SYTL2: variants seen among roughly 807,000 people sequenced by gnomAD.
The protein encoded by SYTL2 is synaptotagmin like 2.
Under a neutral mutation model 198.7 loss-of-function variants are expected in SYTL2, and 165 were observed. The ratio of observed to expected loss-of-function variants is 0.83; its 90% confidence interval spans 0.73 to 0.94. The LOEUF (loss-of-function observed/expected upper bound fraction) is 0.94. Among genes scored for constraint, SYTL2 ranks in the 40% least tolerant of loss-of-function variants. The pLI, the probability that SYTL2 is intolerant of heterozygous loss-of-function variation, is 0.00. For synonymous variants in SYTL2, 966 were observed against 917.7 expected (o/e 1.05, Z -0.95); for missense variants, 2,835 against 2,582.8 (o/e 1.10, Z -2.12).
At position 85,757,783 on chromosome 11, in the gene SYTL2, GAAC is replaced by G; in HGVS notation, c.-61_-59del. On this transcript the variant is annotated 5_prime_UTR_variant, in exon 2 of 20. Transcript: ENST00000359152. Reference sequence around the variant, plus strand: ...AATGTGGCTCAAAATTCTCAGGGCTGAACAACTAAGACTGCAACCAGGAAGATT... The same window carrying G: ...AATGTGGCTCAAAATTCTCAGGGCTGAACTAAGACTGCAACCAGGAAGATT... 6.3e-7 allele frequency: 1 copy of G among 1,597,926 alleles called. No individual in the cohort carries two copies. The highest frequency in any genetic ancestry group is 8.5e-7 in the Non-Finnish European group (1 of 1,176,246).
At chr11:85,817,537 G>T in the SYTL2 span, among the ~76,000 whole-genome samples, 2 of 151,998 alleles carry the variant, frequency 1.3e-5, no homozygotes, top group Non-Finnish European at 2.9e-5. Flanking sequence ...TGTGGCTACT[G>T]GAATATTTTA....
the SYTL2 span, among the ~76,000 whole-genome samples, chr11:85,822,990 C>A: frequency 5.3e-5 from 8 of 152,216 alleles, no homozygotes; most frequent in Admixed American, 4.6e-4. Context: ...ACACTTGGAC[C>A]TAACCTTGTG....
Position 85,725,022 on chromosome 11 carries a change from C to A in SYTL2, c.4336G>T (p.Val1446Phe). Residue 1446 changes from valine (V) to phenylalanine (F), a missense_variant, in exon 8 of 20, where the codon GTT becomes TTT. By Grantham distance (50) the Val-to-Phe change is conservative. Transcript: ENST00000359152. ...ATTTGGGCAGCTAAATAAGATCCAA[C>A]TTCATGAGTTTTATCAGGAACTACA... is the stretch of plus-strand genomic sequence containing the variant. ...SNVVPDKTHE[V>F]GSYLAAQMSP... 1 of 1,614,140 alleles carries A rather than the reference C, an allele frequency of 6.2e-7. No individual in the cohort carries two copies. Among genetic ancestry groups the A allele is most frequent in the Non-Finnish European group, 8.5e-7 (1 of 1,179,996 alleles).
At chr11:85,756,190 A>G (rs901155555) in intron 2 of SYTL2, among the ~76,000 whole-genome samples, 22 of 152,344 alleles carry the variant, frequency 1.4e-4, no homozygotes, top group African/African-American at 5.3e-4. Context: ...AATGCTACCA[A>G]GAGGCTCTAA....
intron 12 of SYTL2, among the ~76,000 whole-genome samples, chr11:85,711,936 A>T (rs1024532629): frequency 6.6e-6 from 1 of 152,194 alleles, no homozygotes; most frequent in African/African-American, 2.4e-5. Context: ...AATATGTCCG[A>T]GGAAGTATTT....
chr11:85,852,656 G>A, the SYTL2 span: 4 of 187,168 alleles, frequency 2.1e-5, no homozygotes, highest in South Asian at 9.3e-5. Context: ...GATTGCAGAC[G>A]GAGTCTCGTT....
chr11:85,708,876 C>T (rs7933179), intron 14 of SYTL2, among the ~76,000 whole-genome samples: 2,068 of 111,218 alleles, frequency 0.019, 27 homozygotes, highest in Middle Eastern at 0.032. Flanking sequence ...GATGGAGTCT[C>T]ACTCTGTCGC....
the SYTL2 span, among the ~76,000 whole-genome samples, chr11:85,847,104 T>C: frequency 2.0e-5 from 3 of 152,320 alleles, no homozygotes; most frequent in Admixed American, 2.0e-4. Flanking sequence ...CCATTTTAAA[T>C]ATATAGTTCA....
intron 1 of SYTL2, among the ~76,000 whole-genome samples, chr11:85,785,283 A>G (rs1372588651): frequency 6.6e-6 from 1 of 152,240 alleles, no homozygotes; most frequent in Non-Finnish European, 1.5e-5. Flanking sequence ...TTAACTAAAT[A>G]CCAAAATGGA....
chr11:85,783,911 A>C (rs1473278374), intron 1 of SYTL2, among the ~76,000 whole-genome samples: 3 of 151,898 alleles, frequency 2.0e-5, no homozygotes, highest in African/African-American at 7.3e-5. Flanking sequence ...ATCCCTGCAC[A>C]CTCTGTGGCC....
rs753525967 is a variant in SYTL2, at chr11:85,724,710, T to C, written c.4648A>G (p.Thr1550Ala). Residue 1550 changes from threonine to alanine, a missense_variant, in exon 8 of 20, where the codon ACA becomes GCA. Physicochemically the swap from Thr to Ala is moderately conservative, Grantham distance 58. Transcript: ENST00000359152. ...AACGGAGCCTCGGCCTTTTCTACTG[T>C]TTCTTTTAATTCCTCAGGATGGCAT... ...SECHPEELKETVEKAEAPLIT... is the reference protein window; with the variant it reads ...SECHPEELKEAVEKAEAPLIT... 5.6e-6 allele frequency: 9 copies of C among 1,614,006 alleles called. No individual in the cohort carries two copies. In the African/African-American group the frequency reaches 1.1e-4, roughly 19 times the overall value.
At chr11:85,845,236 C>T in the SYTL2 span, among the ~76,000 whole-genome samples, 1 of 152,132 alleles carries the variant, frequency 6.6e-6, no homozygotes. Flanking sequence ...AACTTGATTG[C>T]TCATCACTTC....
intron 2 of SYTL2, among the ~76,000 whole-genome samples, chr11:85,754,730 T>A (rs1480381313): frequency 2.0e-5 from 3 of 152,194 alleles, no homozygotes; most frequent in African/African-American, 7.2e-5. Context: ...TCAGAGAGGT[T>A]AAATAACTTG....
At chr11:85,737,043 C>T (rs1241837662) in intron 5 of SYTL2, among the ~76,000 whole-genome samples, 1 of 152,110 alleles carries the variant, frequency 6.6e-6, no homozygotes, top group African/African-American at 2.4e-5. Context: ...TTGACCTTTC[C>T]TAAAGATTTT....
At chr11:85,769,362 T>C (rs141147513) in intron 1 of SYTL2, among the ~76,000 whole-genome samples, 1 of 152,090 alleles carries the variant, frequency 6.6e-6, no homozygotes, top group East Asian at 1.9e-4. Flanking sequence ...AGGCTGAAAA[T>C]GTTGGAGTGA....
intron 1 of SYTL2, among the ~76,000 whole-genome samples, chr11:85,796,969 G>A (rs1215119499): frequency 5.9e-5 from 9 of 152,152 alleles, no homozygotes; most frequent in Non-Finnish European, 1.0e-4. Context: ...CTGGAGGATC[G>A]CTTGGGCCCA....
At chr11:85,838,368 T>C in the SYTL2 span, among the ~76,000 whole-genome samples, 1 of 152,170 alleles carries the variant, frequency 6.6e-6, no homozygotes, top group Non-Finnish European at 1.5e-5. Flanking sequence ...GATATGGATG[T>C]AGATATAGAC....
intron 1 of SYTL2, among the ~76,000 whole-genome samples, chr11:85,797,145 C>T (rs2092815463): frequency 6.6e-6 from 1 of 152,210 alleles, no homozygotes; most frequent in Admixed American, 6.5e-5. Context: ...GCTAGGACTA[C>T]AGGTGTGCAG....
intron 1 of SYTL2, among the ~76,000 whole-genome samples, chr11:85,777,978 C>A (rs1447807068): frequency 6.6e-6 from 1 of 151,922 alleles, no homozygotes; most frequent in Non-Finnish European, 1.5e-5. Context: ...CACCACCATG[C>A]AGGCTACTTT....
Sources: gnomAD v4.1 joint callset for allele counts (sites outside exome capture counted in the v4.1 genomes callset) on GRCh38, gnomAD v4.1.1 for gene constraint, MANE v1.5 for transcripts, NCBI Gene and HGNC (gene_info 2026-07-23, HGNC 2026-07-21) for gene names.